TMEM132C: variants seen among roughly 807,000 people sequenced by gnomAD.
TMEM132C encodes the protein protein phosphatase 1, regulatory subunit 152.
A neutral mutation model predicts 61.4 loss-of-function variants in TMEM132C; 29 were observed. The ratio of observed to expected loss-of-function variants is 0.47; its 90% CI spans 0.35 to 0.64. The LOEUF (loss-of-function observed/expected upper bound fraction) is 0.64. Ranked by LOEUF, TMEM132C falls within the 30% of genes least tolerant of loss-of-function variation. The pLI is 0.00. For missense variants in TMEM132C, 1,408 were observed against 1,476.9 expected, an observed-to-expected ratio of 0.95 and a Z score of 0.76; for synonymous variants, 656 against 633.1, an observed-to-expected ratio of 1.04 and a Z score of -0.54.
intron 3 of TMEM132C, among the ~76,000 whole-genome samples, chr12:128,553,442 A>G (rs1232810598): frequency 1.3e-5 from 2 of 152,138 alleles, no homozygotes; most frequent in Admixed American, 6.5e-5. Flanking sequence ...TGCCTTACAG[A>G]GTATATCGAA....
rs376412864 is a variant in TMEM132C, at chr12:128,440,817, G to A, written c.974+25197G>A. ...TAATCCCAGCACTTTGGGAGGCTGAGGTGGGCAGAAAACTTGAGATGAAGA... is the reference window on the plus strand; with the variant it reads ...TAATCCCAGCACTTTGGGAGGCTGAAGTGGGCAGAAAACTTGAGATGAAGA... On this transcript the variant is annotated intron_variant, in intron 2 of 8. Transcript: ENST00000435159. 2.5e-3 allele frequency among the ~76,000 whole-genome samples: 387 copies of A among 152,272 alleles called. 1 individual carries two copies. The highest frequency in any genetic ancestry group is 9.1e-3 in the African/African-American group (377 of 41,564).
intron 4 of TMEM132C, among the ~76,000 whole-genome samples, chr12:128,654,862 C>T (rs934020175): frequency 3.3e-5 from 5 of 152,134 alleles, no homozygotes; most frequent in Admixed American, 1.3e-4. Flanking sequence ...ATGGGCCTGC[C>T]GGTGTATTGA....
chr12:128,478,818 C>G (rs1210709295), intron 2 of TMEM132C, among the ~76,000 whole-genome samples: 1 of 152,180 alleles, frequency 6.6e-6, no homozygotes, highest in Non-Finnish European at 1.5e-5. Context: ...ACGACTTATG[C>G]CAAGAGATCT....
At chr12:128,644,345 C>CCTT (rs1954180002) in intron 4 of TMEM132C, among the ~76,000 whole-genome samples, 1 of 152,150 alleles carries the variant, frequency 6.6e-6, no homozygotes, top group African/African-American at 2.4e-5. Context: ...ATCCATGTGT[C>CCTT]CTTTAACTGG....
intron 2 of TMEM132C, among the ~76,000 whole-genome samples, chr12:128,469,676 G>GTGCATTTATGTGTGTGTATGAATATATA (rs1870873438): frequency 7.3e-6 from 1 of 136,218 alleles, no homozygotes; most frequent in Non-Finnish European, 1.5e-5. Flanking sequence ...ATATATATAT[G>GTGCATTTATGTGTGTGTATGAATATATA]TGCATTTATG....
rs927364008 is a variant in TMEM132C, at chr12:128,373,587, C to T, written c.86-41145C>T. ...GGTGGCTCACCTCTCCCATGCGTAG[C>T]GTAGTGGGATGTTCAGTGGACCGTG... On this transcript the variant is annotated intron_variant, in intron 1 of 8. Coordinates refer to ENST00000435159, the MANE Select transcript of TMEM132C (RefSeq NM_001136103.3). Among the ~76,000 whole-genome samples, 7 of 152,296 alleles carry T rather than the reference C, an allele frequency of 4.6e-5. No individual in the cohort carries two copies. In the East Asian group the frequency reaches 5.8e-4, roughly 13 times the overall value.
intron 1 of TMEM132C, among the ~76,000 whole-genome samples, chr12:128,369,365 T>C (rs1713611): frequency 0.014 from 2,180 of 152,322 alleles, 48 homozygotes; most frequent in African/African-American, 0.05. Flanking sequence ...ATTAATACAA[T>C]GTTCACTATG....
At chr12:128,637,481 G>C (rs983716710) in intron 4 of TMEM132C, among the ~76,000 whole-genome samples, 1 of 152,268 alleles carries the variant, frequency 6.6e-6, no homozygotes, top group African/African-American at 2.4e-5. Flanking sequence ...GAAGCTGAGA[G>C]ACCAGCTGAG....
chr12:128,413,697 T>C (rs1868649588), intron 1 of TMEM132C, among the ~76,000 whole-genome samples: 1 of 152,042 alleles, frequency 6.6e-6, no homozygotes, highest in Non-Finnish European at 1.5e-5. Flanking sequence ...CTCACTTCTC[T>C]CTCAATTTTT....
intron 1 of TMEM132C, among the ~76,000 whole-genome samples, chr12:128,279,648 TG>T (rs1870818994): frequency 6.6e-6 from 1 of 152,222 alleles, no homozygotes; most frequent in Non-Finnish European, 1.5e-5. Context: ...ATGCCTACTG[TG>T]GGGTAACTTC....
chr12:128,352,980 A>G (rs1349332190), intron 1 of TMEM132C, among the ~76,000 whole-genome samples: 1 of 152,182 alleles, frequency 6.6e-6, no homozygotes, highest in Non-Finnish European at 1.5e-5. Context: ...GCAGGGTCTC[A>G]GGGGCCCCAA....
intron 2 of TMEM132C, among the ~76,000 whole-genome samples, chr12:128,418,238 G>C (rs911861121): frequency 6.6e-6 from 1 of 152,208 alleles, no homozygotes; most frequent in Non-Finnish European, 1.5e-5. Flanking sequence ...TGTCTCAGGC[G>C]TGTCGGAATT....
chr12:128,625,338 A>T (rs1479793336), intron 4 of TMEM132C, among the ~76,000 whole-genome samples: 4 of 151,162 alleles, frequency 2.6e-5, no homozygotes, highest in African/African-American at 9.7e-5. Flanking sequence ...GTGCATAGAC[A>T]GTGGCTTCTC....
chr12:128,323,140 A>T (rs1872391096), intron 1 of TMEM132C, among the ~76,000 whole-genome samples: 1 of 152,256 alleles, frequency 6.6e-6, no homozygotes, highest in Non-Finnish European at 1.5e-5. Flanking sequence ...GCATTACAGA[A>T]GAAAACTTCC....
chr12:128,479,378 G>A (rs1871252806), intron 2 of TMEM132C, among the ~76,000 whole-genome samples: 1 of 152,196 alleles, frequency 6.6e-6, no homozygotes, highest in Non-Finnish European at 1.5e-5. Flanking sequence ...AAAAAAAAGA[G>A]TAGGGGTTGG....
intron 3 of TMEM132C, among the ~76,000 whole-genome samples, chr12:128,602,935 T>C (rs1593116268): frequency 6.6e-6 from 1 of 152,212 alleles, no homozygotes. Flanking sequence ...AACCTTCATC[T>C]ATTGCTGCTT....
chr12:128,637,699 C>T (rs767929053), intron 4 of TMEM132C, among the ~76,000 whole-genome samples: 9 of 152,140 alleles, frequency 5.9e-5, no homozygotes, highest in Non-Finnish European at 1.0e-4. Context: ...TAAGGCATCT[C>T]CCCCATGTTC....
At chr12:128,671,776 A>G (rs534309682) in intron 5 of TMEM132C, among the ~76,000 whole-genome samples, 1 of 152,280 alleles carries the variant, frequency 6.6e-6, no homozygotes, top group African/African-American at 2.4e-5. Context: ...TCCATATACT[A>G]TGACGATTCT....
intron 5 of TMEM132C, among the ~76,000 whole-genome samples, chr12:128,689,056 G>A (rs1291494698): frequency 6.6e-6 from 1 of 151,924 alleles, no homozygotes; most frequent in Non-Finnish European, 1.5e-5. Flanking sequence ...GATCTCAAGT[G>A]ATCCGCCCGC....
Sources: allele counts gnomAD v4.1 joint callset (sites outside exome capture counted in the v4.1 genomes callset), GRCh38; gene constraint gnomAD v4.1.1; transcripts MANE v1.5; gene names NCBI Gene and HGNC (gene_info 2026-07-23, HGNC 2026-07-21).